The following PCDHA1 variants were observed in gnomAD, a reference collection of about 807,000 sequenced individuals.
The protein encoded by PCDHA1 is protocadherin alpha-1.
A neutral mutation model predicts 61.3 loss-of-function variants in PCDHA1; 42 were observed. The ratio of observed to expected loss-of-function variants is 0.69; its 90% CI spans 0.54 to 0.89. The LOEUF (loss-of-function observed/expected upper bound fraction) is 0.89. Among genes scored for constraint, PCDHA1 ranks in the 40% least tolerant of loss-of-function variants. The probability of loss-of-function intolerance (pLI) is 0.00; values close to 1 mark genes in which losing one functional copy is unlikely to be tolerated. For synonymous variants in PCDHA1, 610 were observed against 553.8 expected, an observed-to-expected ratio of 1.10 and a Z score of -1.43; for missense variants, 1,256 against 1,235.3, an observed-to-expected ratio of 1.02 and a Z score of -0.25.
intron 1 of PCDHA1, chr5:140,883,208 A>G: frequency 6.2e-7 from 1 of 1,614,034 alleles, no homozygotes; most frequent in Non-Finnish European, 8.5e-7. Flanking sequence ...CGAAGAAAAG[A>G]AATTATATGA....
At chr5:140,789,379 G>A (rs1554118416) in intron 1 of PCDHA1, among the ~76,000 whole-genome samples, 1 of 152,174 alleles carries the variant, frequency 6.6e-6, no homozygotes, top group East Asian at 1.9e-4. Flanking sequence ...TTGAACCCGG[G>A]AGGCAGAGGT....
intron 1 of PCDHA1, chr5:140,802,804 G>C: frequency 1.2e-6 from 2 of 1,613,474 alleles, no homozygotes; most frequent in South Asian, 1.1e-5. Flanking sequence ...TTCCAGGTGA[G>C]TGCGCGCGAT....
chr5:140,809,233 G>T (rs782654173), intron 1 of PCDHA1: 4 of 1,614,102 alleles, frequency 2.5e-6, no homozygotes, highest in East Asian at 4.5e-5. Flanking sequence ...CCTCACGGGC[G>T]TTGGTGGGCG....
At chr5:140,871,350 C>G (rs782168219) in intron 1 of PCDHA1, 1 of 1,614,194 alleles carries the variant, frequency 6.2e-7, no homozygotes, top group East Asian at 2.2e-5. Context: ...GCTGGTCATA[C>G]TCGCAGCAGA....
intron 1 of PCDHA1, chr5:140,876,720 G>C (rs781797133): frequency 2.5e-6 from 4 of 1,614,264 alleles, no homozygotes; most frequent in Non-Finnish European, 3.4e-6. Flanking sequence ...TGGACCGCGA[G>C]AGCGTGTCGG....
chr5:140,791,830 G>T (rs529895725), intron 1 of PCDHA1, among the ~76,000 whole-genome samples: 1 of 151,646 alleles, frequency 6.6e-6, no homozygotes, highest in Non-Finnish European at 1.5e-5. Flanking sequence ...TTTTTCTTCT[G>T]GGGTCTTCTA....
In PCDHA1 at chr5:140,787,724, T is replaced by C; in HGVS notation, c.1434T>C (p.Ser478=). ...CGGGCTGCCACATCTTCACGGTGTC[T>C]GCGCGGGACGCGGACGCGCAGGAGA... ...NPPGCHIFTV[S]ARDADAQENA... Residue 478 remains serine, a synonymous_variant, in exon 1 of 4, where the codon TCT becomes TCC. Transcript: ENST00000504120. 1.2e-6 allele frequency: 2 copies of C among 1,613,766 alleles called. No individual in the cohort carries two copies. Among genetic ancestry groups the C allele is most frequent in the South Asian group, 2.2e-5 (2 of 91,068 alleles).
chr5:140,882,265 T>C, intron 1 of PCDHA1: 1 of 1,609,948 alleles, frequency 6.2e-7, no homozygotes, highest in Non-Finnish European at 8.5e-7. Flanking sequence ...TTTTGGAGTG[T>C]ACCATGCTGT....
At chr5:140,840,168 T>C (rs1776589979) in intron 1 of PCDHA1, among the ~76,000 whole-genome samples, 2 of 151,992 alleles carry the variant, frequency 1.3e-5, no homozygotes, top group African/African-American at 2.4e-5. Flanking sequence ...ATGGGATGTA[T>C]ACAAATTTTA....
chr5:140,882,608 C>T (rs748674238), intron 1 of PCDHA1: 20 of 1,614,132 alleles, frequency 1.2e-5, no homozygotes, highest in Non-Finnish European at 1.7e-5. Flanking sequence ...GGACAGGCCT[C>T]TGCAGGTTTT....
chr5:140,823,977 C>A, intron 1 of PCDHA1: 3 of 1,614,044 alleles, frequency 1.9e-6, no homozygotes, highest in South Asian at 2.2e-5. Context: ...GCACACGGGG[C>A]AAGCCCACTC....
intron 1 of PCDHA1, chr5:140,803,556 G>A: frequency 6.2e-7 from 1 of 1,614,228 alleles, no homozygotes. Context: ...GGATAGAGAG[G>A]AGAAACAGGA....
Position 140,919,359 on chromosome 5 carries a change from G to A in PCDHA1, c.2395-59590G>A, listed in dbSNP as rs188480486. Among the ~76,000 whole-genome samples, 421 of 152,262 alleles carry A rather than the reference G, an allele frequency of 2.8e-3. 2 individuals carry two copies. The highest frequency in any genetic ancestry group is 0.014 in the Middle Eastern group (4 of 294). ...TGTTTGTATCTTTGAATCTAAAAGTGTCTCCTGCAGACAACACATAGTTGG... is the reference window on the plus strand; with the variant it reads ...TGTTTGTATCTTTGAATCTAAAAGTATCTCCTGCAGACAACACATAGTTGG... On this transcript the variant is annotated intron_variant, in intron 1 of 3. Coordinates refer to ENST00000504120, the MANE Select transcript of PCDHA1 (RefSeq NM_018900.4).
At position 140,808,500 on chromosome 5, in the gene PCDHA1, C is replaced by T. The variant is rs527429618; in HGVS notation, c.2394+19816C>T. The T allele has an allele frequency of 2.7e-5, 44 of 1,614,182 alleles. No homozygotes were observed. In the South Asian group the frequency reaches 3.4e-4, roughly 12 times the overall value. On this transcript the variant is annotated intron_variant, in intron 1 of 3. Coordinates refer to ENST00000504120, the MANE Select transcript of PCDHA1 (RefSeq NM_018900.4). ...GGGGGCTCGCCTTCGCTGTGGGCCA[C>T]GGCCAGTGTTTCTGTGGAGGTGGCT...
At chr5:140,806,454 A>C (rs535584535) in intron 1 of PCDHA1, among the ~76,000 whole-genome samples, 1 of 152,350 alleles carries the variant, frequency 6.6e-6, no homozygotes, top group Admixed American at 6.5e-5. Context: ...GCTATTTGCT[A>C]TAACTTCCTG....
At chr5:140,812,240 A>G (rs1765070291) in intron 1 of PCDHA1, 1 of 151,674 alleles carries the variant, frequency 6.6e-6, no homozygotes, top group African/African-American at 2.4e-5. Context: ...ATGTCTTGGT[A>G]GTTTGTATGT....
chr5:140,823,999 A>G, intron 1 of PCDHA1: 1 of 1,614,146 alleles, frequency 6.2e-7, no homozygotes, highest in Non-Finnish European at 8.5e-7. Context: ...GTTGTGCTCC[A>G]GCGCGGTGGG....
chr5:140,829,877 G>T lies in PCDHA1; in HGVS notation c.2394+41193G>T, dbSNP rs2150176821. The T allele has an allele frequency of 1.5e-5, 25 of 1,613,956 alleles. No individual in the cohort carries two copies. In the South Asian group the frequency reaches 2.5e-4, roughly 16 times the overall value. ...AGGCCAAGTGGTGGCGAAGGTGCGC[G>T]CAGTTGACGCCGACTCAGGCTACAA... On this transcript the variant is annotated intron_variant, in intron 1 of 3. Transcript: ENST00000504120.
At chr5:140,869,964 T>C (rs546576795) in intron 1 of PCDHA1, 1 of 1,613,046 alleles carries the variant, frequency 6.2e-7, no homozygotes, top group Non-Finnish European at 8.5e-7. Context: ...TTAAGCCCAA[T>C]GGAAGACACT....
Sources: gnomAD v4.1 joint callset for allele counts (sites outside exome capture counted in the v4.1 genomes callset) on GRCh38, gnomAD v4.1.1 for gene constraint, MANE v1.5 for transcripts, NCBI Gene and HGNC (gene_info 2026-07-23, HGNC 2026-07-21) for gene names.